MAP2: variants seen among roughly 807,000 people sequenced by gnomAD.
MAP2 encodes microtubule associated protein 2.
Under a neutral mutation model 137.6 loss-of-function variants are expected in MAP2, and 14 were observed. That is an observed-to-expected ratio of 0.10 (90% confidence interval 0.07 to 0.16). The LOEUF (loss-of-function observed/expected upper bound fraction) is 0.16. MAP2 is among the 10% of genes least tolerant of loss of function. MAP2 has a pLI of 1.00. For missense variants in MAP2, 2,088 were observed against 2,191.5 expected, an observed-to-expected ratio of 0.95 and a Z score of 0.94; for synonymous variants, 786 against 782.3, an observed-to-expected ratio of 1.00 and a Z score of -0.08.
In MAP2 at chr2:209,503,224, C is replaced by T. The variant is rs147393382; in HGVS notation, c.-221-4368C>T. Among the ~76,000 whole-genome samples, 6 of 152,214 alleles carry T rather than the reference C, an allele frequency of 3.9e-5. No individual in the cohort carries two copies. In the East Asian group the frequency reaches 1.2e-3, roughly 29 times the overall value. On this transcript the variant is annotated intron_variant, in intron 1 of 15. Coordinates refer to ENST00000682079, the MANE Select transcript of MAP2 (RefSeq NM_001375505.1). ...CCATGTTTCCCAGACTGGTCTCAAA[C>T]TCCTGGACTCAAGCACTCCACCCTC...
chr2:209,599,794 A>G (rs554408800), intron 3 of MAP2, among the ~76,000 whole-genome samples: 63 of 152,274 alleles, frequency 4.1e-4, no homozygotes, highest in Non-Finnish European at 4.0e-4. Context: ...TTGAAATTGG[A>G]TACCCTTGGG....
At chr2:209,708,930 T>A (rs1234687278) in intron 12 of MAP2, among the ~76,000 whole-genome samples, 3 of 152,148 alleles carry the variant, frequency 2.0e-5, no homozygotes, top group African/African-American at 7.2e-5. Context: ...TGGTTATCAG[T>A]TGGTTGGTAT....
At chr2:209,596,366 T>G (rs1165975232) in intron 3 of MAP2, among the ~76,000 whole-genome samples, 1 of 152,230 alleles carries the variant, frequency 6.6e-6, no homozygotes, top group Non-Finnish European at 1.5e-5. Flanking sequence ...CGTGAATGTA[T>G]GCAGCATGAT....
At chr2:209,696,396 T>C (rs748928623) in intron 8 of MAP2, 46 bp downstream of exon 8, 1 of 1,518,312 alleles carries the variant, frequency 6.6e-7, no homozygotes, top group Non-Finnish European at 8.8e-7. Flanking sequence ...ACAATAACCT[T>C]ATGGGAATTT....
chr2:209,526,643 A>G (rs2064103994), intron 2 of MAP2, among the ~76,000 whole-genome samples: 1 of 148,830 alleles, frequency 6.7e-6, no homozygotes, highest in African/African-American at 2.5e-5. Flanking sequence ...TTGAAAACTA[A>G]CCAAACAGTG....
chr2:209,705,656 T>G lies in MAP2; in HGVS notation c.4661T>G (p.Val1554Gly). Reference protein sequence around the residue: ...PSSILPPRRGVSGDRDENSFS... With the variant: ...PSSILPPRRGGSGDRDENSFS... ...TCCATTCTCCCTCCTCGGCGAGGTGTGTCAGGAGACAGAGATGAGAATTCC... is the reference window on the plus strand; with the variant it reads ...TCCATTCTCCCTCCTCGGCGAGGTGGGTCAGGAGACAGAGATGAGAATTCC... The change falls in exon 12 of 16, where the codon GTG (valine) becomes GGG (glycine). Residue 1554 changes from valine to glycine, a missense_variant. Val to Gly is a moderately radical substitution (Grantham distance 109). Coordinates refer to ENST00000682079, the MANE Select transcript of MAP2 (RefSeq NM_001375505.1). 1 of 1,613,366 alleles carries G rather than the reference T, an allele frequency of 6.2e-7. No homozygotes were observed. The highest frequency in any genetic ancestry group is 8.5e-7 in the Non-Finnish European group (1 of 1,179,446).
Position 209,694,091 on chromosome 2 carries a change from G to C in MAP2, c.1921G>C (p.Ala641Pro), listed in dbSNP as rs780170027. The change falls in exon 8 of 16, where the codon GCA (alanine) becomes CCA (proline). Residue 641 changes from alanine to proline, a missense_variant. Coordinates refer to ENST00000682079, the MANE Select transcript of MAP2 (RefSeq NM_001375505.1). ...PAQEAGYSTL[A>P]QSYPSDLPEE... ...ACAAGAAGCAGGGTACAGCACTCTCGCACAGAGTTATCCATCAGATTTACC... is the reference window on the plus strand; with the variant it reads ...ACAAGAAGCAGGGTACAGCACTCTCCCACAGAGTTATCCATCAGATTTACC... The C allele has an allele frequency of 1.9e-6, 3 of 1,613,486 alleles. No homozygotes were observed. The highest frequency in any genetic ancestry group is 1.3e-5 in the African/African-American group (1 of 74,846).
At chr2:209,507,569 G>A (rs1421834658) in intron 1 of MAP2, 23 bp from the exon 2 acceptor site, 1 of 151,918 alleles carries the variant, frequency 6.6e-6, no homozygotes, top group Non-Finnish European at 1.5e-5. Flanking sequence ...AACTTACTGG[G>A]TATTTTTCTT....
chr2:209,440,969 T>C (rs1383383867), intron 1 of MAP2, among the ~76,000 whole-genome samples: 1 of 151,482 alleles, frequency 6.6e-6, no homozygotes, highest in African/African-American at 2.4e-5. Context: ...TTTTTAAAAG[T>C]CTTTGGGGGA....
At chr2:209,629,639 C>T (rs1410996784) in intron 4 of MAP2, among the ~76,000 whole-genome samples, 1 of 152,150 alleles carries the variant, frequency 6.6e-6, no homozygotes, top group East Asian at 1.9e-4. Flanking sequence ...ATTAGGATAT[C>T]AGATGCTTCC....
In MAP2 at chr2:209,653,399, G is replaced by A; in HGVS notation, c.229G>A (p.Gly77Arg). The change falls in exon 5 of 16, where the codon GGA becomes AGA. Residue 77 changes from glycine to arginine, a missense_variant. Transcript: ENST00000682079. The stretch of plus-strand genomic sequence containing the variant: ...AAATACCAAAGAGAATGGGATCAAC[G>A]GAGAGCTGACCTCAGCTGACAGAGA... ...YSNTKENGIN[G>R]ELTSADRETA... The A allele has an allele frequency of 1.2e-6, 2 of 1,611,388 alleles. No homozygotes were observed. The highest frequency in any genetic ancestry group is 1.7e-6 in the Non-Finnish European group (2 of 1,178,322).
At chr2:209,674,522 G>A (rs2050351746) in intron 5 of MAP2, among the ~76,000 whole-genome samples, 2 of 151,640 alleles carry the variant, frequency 1.3e-5, no homozygotes, top group South Asian at 4.2e-4. Context: ...TAGCAATGCT[G>A]GAATTTGTAC....
chr2:209,704,067 A>G, intron 11 of MAP2: 1 of 454,298 alleles, frequency 2.2e-6, no homozygotes, highest in Admixed American at 2.4e-5. Flanking sequence ...TCATCCAAAT[A>G]GTGAACATAG....
chr2:209,459,820 T>A (rs911633815), intron 1 of MAP2, among the ~76,000 whole-genome samples: 7 of 152,186 alleles, frequency 4.6e-5, no homozygotes, highest in Non-Finnish European at 7.3e-5. Context: ...CTGTGCTGGA[T>A]GTCCTGTAGG....
intron 1 of MAP2, among the ~76,000 whole-genome samples, chr2:209,475,292 G>C (rs1175959018): frequency 6.6e-6 from 1 of 151,922 alleles, no homozygotes; most frequent in Non-Finnish European, 1.5e-5. Context: ...TTTACTCATG[G>C]TAAAAATATA....
chr2:209,636,578 T>TATAC (rs1043335746), intron 4 of MAP2, among the ~76,000 whole-genome samples: 4 of 144,708 alleles, frequency 2.8e-5, no homozygotes, highest in African/African-American at 8.1e-5. Context: ...TATATATATA[T>TATAC]ACACACACAC....
intron 2 of MAP2, among the ~76,000 whole-genome samples, chr2:209,515,681 C>T (rs2062392157): frequency 6.6e-6 from 1 of 152,062 alleles, no homozygotes; most frequent in Non-Finnish European, 1.5e-5. Flanking sequence ...TGGGTGGGGA[C>T]ACAGAGGCAA....
chr2:209,601,482 C>T (rs1288709407), intron 3 of MAP2, among the ~76,000 whole-genome samples: 1 of 152,060 alleles, frequency 6.6e-6, no homozygotes, highest in Admixed American at 6.5e-5. Context: ...TAGTCTTTGA[C>T]ATGGAAAACA....
intron 1 of MAP2, among the ~76,000 whole-genome samples, chr2:209,427,234 A>G (rs754607361): frequency 3.6e-4 from 55 of 152,320 alleles, no homozygotes; most frequent in Middle Eastern, 3.4e-3. Context: ...TTACAGTAGA[A>G]GATAGCACCA....
Sources: allele counts gnomAD v4.1 joint callset (sites outside exome capture counted in the v4.1 genomes callset), GRCh38; gene constraint gnomAD v4.1.1; transcripts MANE v1.5; gene names NCBI Gene and HGNC (gene_info 2026-07-23, HGNC 2026-07-21).